GALNTL6: variants seen among roughly 807,000 people sequenced by gnomAD.
GALNTL6 encodes polypeptide N-acetylgalactosaminyltransferase-like 6.
GALNTL6 carries 46 observed loss-of-function variants against 73.7 expected under a neutral mutation model. The observed-to-expected ratio is 0.62, with a 90% CI of 0.49 to 0.80. GALNTL6 has a LOEUF of 0.80. Ranked by LOEUF, GALNTL6 falls within the 30% of genes least tolerant of loss-of-function variation. The pLI is 0.00. For synonymous variants in GALNTL6, 259 were observed against 263.7 expected, an observed-to-expected ratio of 0.98 and a Z score of 0.17; for missense variants, 604 against 755.0, an observed-to-expected ratio of 0.80 and a Z score of 2.34.
rs950831905 is a variant in GALNTL6 at position 173,041,521 on chromosome 4, T to A, written c.*1421T>A. 7 of 152,178 alleles carry A rather than the reference T, an allele frequency of 4.6e-5. No homozygotes were observed. The South Asian group carries it at 6.2e-4, about 13-fold the overall frequency. 9.4% of individuals were successfully genotyped at this position (152,178 alleles called of 1,614,324 possible). A position where few individuals can be genotyped will look rare whatever the true frequency, so the allele number is the denominator to read the frequency against. Reference sequence around the variant, plus strand: ...ACTTTGCTTTCTTTTTGGTTTTTGTTTGAAGTTGGTTTTCCTGTTAATAAA... The same window carrying A: ...ACTTTGCTTTCTTTTTGGTTTTTGTATGAAGTTGGTTTTCCTGTTAATAAA... On this transcript the variant is annotated 3_prime_UTR_variant, in exon 13 of 13. Coordinates refer to ENST00000506823, the MANE Select transcript of GALNTL6 (RefSeq NM_001034845.3).
rs117969182 is a variant in GALNTL6, at chr4:172,059,238, A to G, written c.139-170418A>G. On this transcript the variant is annotated intron_variant, in intron 2 of 12. Coordinates refer to ENST00000506823, the MANE Select transcript of GALNTL6 (RefSeq NM_001034845.3). ...AGCTGTTTATTCTGATTCAGACAGA[A>G]TAAGAGGAAGCAGTTGTATTAGTTG... 1.4e-4 allele frequency among the ~76,000 whole-genome samples: 22 copies of G among 152,292 alleles called. No homozygotes were observed. The East Asian group carries it at 2.7e-3, about 19-fold the overall frequency.
chr4:172,153,825 G>A (rs1734169727), intron 2 of GALNTL6, among the ~76,000 whole-genome samples: 2 of 152,108 alleles, frequency 1.3e-5, no homozygotes, highest in Admixed American at 1.3e-4. Flanking sequence ...TCATGACCTA[G>A]GAATTAAACC....
chr4:172,393,527 C>T lies in GALNTL6; in HGVS notation c.553+44838C>T, dbSNP rs560865482. On this transcript the variant is annotated intron_variant, in intron 5 of 12. Coordinates refer to ENST00000506823, the MANE Select transcript of GALNTL6 (RefSeq NM_001034845.3). ...ACATCACAGGTGTTCATTAATGACA[C>T]ATTAAATGATGAAGCTTAACGTCTC... is the stretch of plus-strand genomic sequence containing the variant. Among the ~76,000 whole-genome samples, 9 of 152,290 alleles carry T rather than the reference C, an allele frequency of 5.9e-5. No homozygotes were observed. In the South Asian group the frequency reaches 1.9e-3, roughly 32 times the overall value.
At chr4:171,985,606 G>A (rs1182871518) in intron 2 of GALNTL6, among the ~76,000 whole-genome samples, 2 of 152,098 alleles carry the variant, frequency 1.3e-5, no homozygotes, top group East Asian at 3.9e-4. Context: ...CAGTGTTGAA[G>A]AGATGTCTGG....
intron 5 of GALNTL6, among the ~76,000 whole-genome samples, chr4:172,410,462 G>T (rs1320962032): frequency 6.6e-6 from 1 of 151,972 alleles, no homozygotes; most frequent in African/African-American, 2.4e-5. Context: ...TGGTCTTTAT[G>T]TGAGGCAAGC....
At chr4:172,052,880 T>C (rs905005338) in intron 2 of GALNTL6, among the ~76,000 whole-genome samples, 1 of 152,078 alleles carries the variant, frequency 6.6e-6, no homozygotes, top group African/African-American at 2.4e-5. Context: ...ACAATTGTAT[T>C]TGCCTTAAAA....
chr4:172,671,955 A>G (rs1732010774), intron 5 of GALNTL6, among the ~76,000 whole-genome samples: 1 of 152,054 alleles, frequency 6.6e-6, no homozygotes, highest in African/African-American at 2.4e-5. Context: ...CAGTGGTGCA[A>G]TCTCAGCTCA....
At chr4:172,946,240 G>A (rs1223455206) in intron 9 of GALNTL6, among the ~76,000 whole-genome samples, 1 of 151,946 alleles carries the variant, frequency 6.6e-6, no homozygotes, top group Non-Finnish European at 1.5e-5. Context: ...GATCTTGCCA[G>A]GACACATGTA....
At position 172,507,403 on chromosome 4, in the gene GALNTL6, C is replaced by A. The variant is rs1734397218; in HGVS notation, c.553+158714C>A. Among the ~76,000 whole-genome samples, 2 of 53,826 alleles carry A rather than the reference C, an allele frequency of 3.7e-5. 1 individual carries two copies. The highest frequency in any genetic ancestry group is 8.5e-5 in the Non-Finnish European group (2 of 23,496). The allele number at this position is 53,826 out of a possible 152,430, so 35.3% of individuals were successfully genotyped here. On this transcript the variant is annotated intron_variant, in intron 5 of 12. Transcript: ENST00000506823. ...AGAATGAGACTGGGAGGCAGAAGGG[C>A]AGAAGAAGGTCGGGAAAAAACCTCT...
At chr4:172,109,013 CAAAAAAAAAAAAAAA>C (rs202017302) in intron 2 of GALNTL6, among the ~76,000 whole-genome samples, 2 of 108,292 alleles carry the variant, frequency 1.8e-5, no homozygotes, top group Admixed American at 1.1e-4. Context: ...ACTCCATCTC[CAAAAAAAAAAAAAAA>C]AAAAAAAAAA....
At chr4:172,949,335 G>A (rs1332278861) in intron 9 of GALNTL6, among the ~76,000 whole-genome samples, 7 of 152,274 alleles carry the variant, frequency 4.6e-5, no homozygotes, top group African/African-American at 1.4e-4. Context: ...AGTCCTGAGG[G>A]ACAGATCTTT....
chr4:172,606,094 A>G (rs111955922), intron 5 of GALNTL6, among the ~76,000 whole-genome samples: 10 of 152,288 alleles, frequency 6.6e-5, no homozygotes, highest in African/African-American at 2.2e-4. Context: ...ATAAAGGGAA[A>G]TGAGAATTCA....
At chr4:172,861,785 G>C (rs1744406773) in intron 7 of GALNTL6, among the ~76,000 whole-genome samples, 1 of 152,140 alleles carries the variant, frequency 6.6e-6, no homozygotes, top group African/African-American at 2.4e-5. Context: ...ACACTCTCTT[G>C]CCTGCCACCA....
intron 5 of GALNTL6, among the ~76,000 whole-genome samples, chr4:172,633,270 GA>G (rs1739494863): frequency 6.6e-6 from 1 of 152,166 alleles, no homozygotes; most frequent in Admixed American, 6.5e-5. Context: ...CAGCAGCTGA[GA>G]GGGGGGCTAT....
chr4:173,029,511 T>C (rs909813473), intron 12 of GALNTL6, among the ~76,000 whole-genome samples: 1 of 152,226 alleles, frequency 6.6e-6, no homozygotes, highest in East Asian at 1.9e-4. Context: ...ATTGTAAGAA[T>C]GTTGTCAACA....
At chr4:171,892,915 T>G (rs568146926) in intron 2 of GALNTL6, among the ~76,000 whole-genome samples, 2 of 152,264 alleles carry the variant, frequency 1.3e-5, no homozygotes, top group African/African-American at 4.8e-5. Flanking sequence ...TAGCTGCAAC[T>G]TTTAATACTT....
intron 2 of GALNTL6, among the ~76,000 whole-genome samples, chr4:171,975,065 G>A (rs1739678805): frequency 6.6e-6 from 1 of 152,170 alleles, no homozygotes; most frequent in Non-Finnish European, 1.5e-5. Flanking sequence ...GGAAATGCCA[G>A]CATCAATCAC....
intron 8 of GALNTL6, among the ~76,000 whole-genome samples, chr4:172,887,963 A>G (rs1201494056): frequency 1.3e-5 from 2 of 152,236 alleles, no homozygotes; most frequent in Non-Finnish European, 2.9e-5. Context: ...GATGTTGAGC[A>G]TGTATCAATA....
intron 8 of GALNTL6, among the ~76,000 whole-genome samples, chr4:172,911,789 C>T (rs1308858484): frequency 6.6e-6 from 1 of 152,184 alleles, no homozygotes; most frequent in Non-Finnish European, 1.5e-5. Context: ...AGCCTAGGGG[C>T]AATTATGAAT....
Sources: gnomAD v4.1 joint callset for allele counts (sites outside exome capture counted in the v4.1 genomes callset) on GRCh38, gnomAD v4.1.1 for gene constraint, MANE v1.5 for transcripts, NCBI Gene and HGNC (gene_info 2026-07-23, HGNC 2026-07-21) for gene names.